MARCHF1: variants seen among roughly 807,000 people sequenced by gnomAD.
MARCHF1 encodes the protein E3 ubiquitin-protein ligase MARCHF1.
In MARCHF1, 40 loss-of-function variants were observed where a neutral mutation model predicts 54.2. The ratio of observed to expected loss-of-function variants is 0.74; its 90% CI spans 0.57 to 0.96. MARCHF1 has a LOEUF of 0.96. Among genes scored for constraint, MARCHF1 ranks in the 40% least tolerant of loss-of-function variants. The pLI is 0.00. For missense variants in MARCHF1, 586 were observed against 656.5 expected, an observed-to-expected ratio of 0.89 and a Z score of 1.17; for synonymous variants, 236 against 236.3, an observed-to-expected ratio of 1.00 and a Z score of 0.01.
intron 1 of MARCHF1, among the ~76,000 whole-genome samples, chr4:164,340,110 A>C (rs1454259787): frequency 6.6e-6 from 1 of 152,100 alleles, no homozygotes; most frequent in African/African-American, 2.4e-5. Context: ...CCTCCCAAAA[A>C]AGAAAAAGCC....
At chr4:164,065,158 G>A (rs1328652316) in intron 2 of MARCHF1, among the ~76,000 whole-genome samples, 1 of 152,136 alleles carries the variant, frequency 6.6e-6, no homozygotes, top group Non-Finnish European at 1.5e-5. Context: ...GATGATGCTG[G>A]CCTCATAGAA....
intron 6 of MARCHF1, 135 bp downstream of exon 6, chr4:163,613,178 GA>G (rs1415831576): frequency 7.3e-5 from 90 of 1,234,420 alleles, no homozygotes; most frequent in Middle Eastern, 2.3e-4. Context: ...TGAACTAAAT[GA>G]AAAAAAATAG....
rs571997025 is a variant in MARCHF1, at chr4:164,103,943, A to G, written c.-248+7645T>C. 5.3e-5 allele frequency among the ~76,000 whole-genome samples: 8 copies of G among 150,736 alleles called. No individual in the cohort carries two copies. In the East Asian group the frequency reaches 1.5e-3, roughly 29 times the overall value. On this transcript the variant is annotated intron_variant, in intron 2 of 9. Transcript: ENST00000514618. ...AATGATAAAGGGGATATCACCACCA[A>G]TCCCACAGAAATACAAACTACCATC...
At chr4:163,813,508 A>G (rs909651969) in intron 4 of MARCHF1, among the ~76,000 whole-genome samples, 1 of 152,182 alleles carries the variant, frequency 6.6e-6, no homozygotes, top group South Asian at 2.1e-4. Flanking sequence ...CACACATCTG[A>G]CTTCTACAAA....
intron 5 of MARCHF1, among the ~76,000 whole-genome samples, chr4:163,685,261 T>C (rs1744230455): frequency 6.6e-6 from 1 of 152,124 alleles, no homozygotes; most frequent in South Asian, 2.1e-4. Context: ...GGCAGTTAAG[T>C]GAAGACTTAA....
chr4:163,735,985 T>C (rs1338209690), intron 4 of MARCHF1, among the ~76,000 whole-genome samples: 3 of 152,168 alleles, frequency 2.0e-5, no homozygotes, highest in Non-Finnish European at 2.9e-5. Context: ...TAAAGTTCAA[T>C]TTATAAGTTA....
intron 1 of MARCHF1, among the ~76,000 whole-genome samples, chr4:164,177,636 A>T (rs28667551): frequency 0.012 from 1,812 of 152,264 alleles, 32 homozygotes; most frequent in African/African-American, 0.038. Context: ...GCAAACTTTA[A>T]TATTGATAGC....
At chr4:163,966,671 T>C (rs1366545528) in intron 3 of MARCHF1, among the ~76,000 whole-genome samples, 1 of 152,136 alleles carries the variant, frequency 6.6e-6, no homozygotes, top group Admixed American at 6.5e-5. Context: ...TATTAAAGCA[T>C]TCCATTTTCC....
intron 4 of MARCHF1, among the ~76,000 whole-genome samples, chr4:163,832,376 A>G (rs971266498): frequency 6.6e-6 from 1 of 152,174 alleles, no homozygotes; most frequent in East Asian, 1.9e-4. Flanking sequence ...TATCGTTTGT[A>G]TAATGGAGGT....
chr4:164,276,947 TAG>T lies in MARCHF1; in HGVS notation c.-323+106921_-323+106922del, dbSNP rs869098740. On this transcript the variant is annotated intron_variant, in intron 1 of 9. Transcript: ENST00000514618. ...ATGTCTCATATTCTATATATATATA[TAG>T]AGAGAGAGAGAGAGAGAGACAGAGA... Among the ~76,000 whole-genome samples, 7 of 118,782 alleles carry T rather than the reference TAG, an allele frequency of 5.9e-5. No individual in the cohort carries two copies. The East Asian group carries it at 7.5e-4, about 13-fold the overall frequency. 77.9% of individuals were successfully genotyped at this position (118,782 alleles called of 152,430 possible).
At chr4:164,113,212 A>G (rs1755871461) in intron 1 of MARCHF1, among the ~76,000 whole-genome samples, 1 of 152,010 alleles carries the variant, frequency 6.6e-6, no homozygotes, top group Admixed American at 6.6e-5. Flanking sequence ...GTATTATGAA[A>G]TATCATTGGG....
chr4:163,865,751 T>C (rs1039717531), intron 3 of MARCHF1, among the ~76,000 whole-genome samples: 3 of 151,714 alleles, frequency 2.0e-5, no homozygotes, highest in African/African-American at 7.2e-5. Context: ...TTATTTAATA[T>C]AATATAAAAT....
chr4:164,060,407 A>C (rs1414725960), intron 2 of MARCHF1, among the ~76,000 whole-genome samples: 1 of 152,152 alleles, frequency 6.6e-6, no homozygotes, highest in Non-Finnish European at 1.5e-5. Context: ...ATGTGCTTTC[A>C]AACTACATTA....
At chr4:163,818,772 T>C (rs1035192143) in intron 4 of MARCHF1, among the ~76,000 whole-genome samples, 2 of 152,164 alleles carry the variant, frequency 1.3e-5, no homozygotes, top group African/African-American at 2.4e-5. Flanking sequence ...TCTCAAGTTG[T>C]GGTTATTTTC....
intron 1 of MARCHF1, among the ~76,000 whole-genome samples, chr4:164,340,318 C>CCT (rs1291355382): frequency 1.4e-5 from 2 of 147,756 alleles, no homozygotes; most frequent in Admixed American, 1.4e-4. Flanking sequence ...CTTGCTGCAA[C>CCT]CTCTGCCTCC....
chr4:164,193,281 TC>T (rs1234907843), intron 1 of MARCHF1, among the ~76,000 whole-genome samples: 1 of 151,958 alleles, frequency 6.6e-6, no homozygotes, highest in East Asian at 1.9e-4. Flanking sequence ...TCCGTCCCTT[TC>T]CAAGAAAAAG....
At chr4:163,964,642 G>T (rs910772209) in intron 3 of MARCHF1, among the ~76,000 whole-genome samples, 9 of 151,816 alleles carry the variant, frequency 5.9e-5, no homozygotes, top group Non-Finnish European at 8.8e-5. Context: ...AAATAAATTT[G>T]TCTCCTCTGC....
intron 1 of MARCHF1, among the ~76,000 whole-genome samples, chr4:164,372,595 A>T (rs1467800905): frequency 6.6e-6 from 1 of 152,064 alleles, no homozygotes; most frequent in African/African-American, 2.4e-5. Context: ...AAAAATCCAC[A>T]TTTGTTATTT....
intron 4 of MARCHF1, among the ~76,000 whole-genome samples, chr4:163,814,742 C>T (rs1299742283): frequency 1.3e-5 from 2 of 152,130 alleles, no homozygotes; most frequent in Non-Finnish European, 2.9e-5. Context: ...TATCATGTGG[C>T]TTTGGACAAA....
Sources: allele counts gnomAD v4.1 joint callset (sites outside exome capture counted in the v4.1 genomes callset), GRCh38; gene constraint gnomAD v4.1.1; transcripts MANE v1.5; gene names NCBI Gene and HGNC (gene_info 2026-07-23, HGNC 2026-07-21).